The following FRMD4A variants were observed in gnomAD, a reference collection of about 807,000 sequenced individuals.
FRMD4A encodes FERM domain containing 4A.
A neutral mutation model predicts 129.1 loss-of-function variants in FRMD4A; 29 were observed. The observed-to-expected ratio is 0.22, with a 90% CI of 0.17 to 0.31. The LOEUF is 0.31. Among genes scored for constraint, FRMD4A ranks in the 10% least tolerant of loss-of-function variants. The pLI is 1.00. For synonymous variants in FRMD4A, 634 were observed against 571.6 expected, an observed-to-expected ratio of 1.11 and a Z score of -1.56; for missense variants, 1,272 against 1,375.8, an observed-to-expected ratio of 0.92 and a Z score of 1.19.
rs141065176 is a variant in FRMD4A at position 14,145,458 on chromosome 10, G to A, written c.45+184600C>T. 5.5e-3 allele frequency among the ~76,000 whole-genome samples: 834 copies of A among 152,264 alleles called. 7 individuals are homozygous for A. Among genetic ancestry groups the A allele is most frequent in the South Asian group, 0.02 (98 of 4,820 alleles). On this transcript the variant is annotated intron_variant, in intron 2 of 24. Transcript: ENST00000357447. ...GGGCTGTGGACAATGACCAGTGACC[G>A]CATATGTCCAGAAGATAGACCCAGG...
At chr10:14,255,634 T>C (rs926291686) in intron 2 of FRMD4A, among the ~76,000 whole-genome samples, 4 of 152,132 alleles carry the variant, frequency 2.6e-5, no homozygotes, top group Non-Finnish European at 5.9e-5. Flanking sequence ...GCCCTCGAAC[T>C]GCAGCTGTGA....
intron 2 of FRMD4A, among the ~76,000 whole-genome samples, chr10:14,132,749 G>A (rs1380864120): frequency 6.6e-6 from 1 of 152,230 alleles, no homozygotes; most frequent in African/African-American, 2.4e-5. Flanking sequence ...GCCACTGTGG[G>A]GCTCCCACGC....
chr10:14,034,566 G>C (rs1024429284), intron 2 of FRMD4A, among the ~76,000 whole-genome samples: 2 of 150,776 alleles, frequency 1.3e-5, no homozygotes, highest in Non-Finnish European at 3.0e-5. Flanking sequence ...ATTTTCAGGA[G>C]AAAATGAAAT....
intron 2 of FRMD4A, among the ~76,000 whole-genome samples, chr10:14,039,280 T>C (rs75427183): frequency 6.6e-6 from 1 of 152,208 alleles, no homozygotes; most frequent in African/African-American, 2.4e-5. Context: ...CCATATATAC[T>C]ATATCAAAGG....
At chr10:13,666,849 A>G (rs1159670019) in intron 17 of FRMD4A, among the ~76,000 whole-genome samples, 1 of 149,914 alleles carries the variant, frequency 6.7e-6, no homozygotes, top group Non-Finnish European at 1.5e-5. Flanking sequence ...TGACTCACAT[A>G]TCTTGTCTTT....
At chr10:14,069,346 C>G (rs1224680582) in intron 2 of FRMD4A, among the ~76,000 whole-genome samples, 1 of 152,194 alleles carries the variant, frequency 6.6e-6, no homozygotes, top group Non-Finnish European at 1.5e-5. Flanking sequence ...GGGTCCTACG[C>G]AGCATAGGTG....
intron 17 of FRMD4A, among the ~76,000 whole-genome samples, chr10:13,667,189 G>C (rs1168740748): frequency 6.6e-6 from 1 of 152,184 alleles, no homozygotes; most frequent in African/African-American, 2.4e-5. Flanking sequence ...TGGGATTACA[G>C]GTGTGAGCCA....
At chr10:14,080,838 T>C (rs764730329) in intron 2 of FRMD4A, among the ~76,000 whole-genome samples, 1 of 151,712 alleles carries the variant, frequency 6.6e-6, no homozygotes, top group African/African-American at 2.4e-5. Flanking sequence ...ATTGTCAAAA[T>C]AAGGAACTGA....
chr10:13,671,870 G>A (rs1222362717), intron 16 of FRMD4A, among the ~76,000 whole-genome samples: 1 of 152,240 alleles, frequency 6.6e-6, no homozygotes, highest in Non-Finnish European at 1.5e-5. Flanking sequence ...CCAAATCAAC[G>A]CAGATGCTGC....
chr10:13,817,461 T>G (rs555638679), intron 3 of FRMD4A, among the ~76,000 whole-genome samples: 4 of 152,330 alleles, frequency 2.6e-5, no homozygotes, highest in African/African-American at 9.6e-5. Flanking sequence ...TGTAAAGCGC[T>G]CTAGGCACAC....
chr10:14,090,247 G>A (rs1487287427), intron 2 of FRMD4A, among the ~76,000 whole-genome samples: 11 of 152,216 alleles, frequency 7.2e-5, no homozygotes, highest in Admixed American at 7.2e-4. Context: ...GAGAATATAC[G>A]TGGTATTCAC....
intron 2 of FRMD4A, among the ~76,000 whole-genome samples, chr10:14,278,898 A>G (rs1845427195): frequency 6.6e-6 from 1 of 152,182 alleles, no homozygotes; most frequent in Non-Finnish European, 1.5e-5. Flanking sequence ...GAAGAAATGT[A>G]TGGATTTCTT....
chr10:14,256,824 A>C (rs1844630613), intron 2 of FRMD4A, among the ~76,000 whole-genome samples: 2 of 152,140 alleles, frequency 1.3e-5, no homozygotes, highest in South Asian at 4.1e-4. Flanking sequence ...CTCTTCAAAA[A>C]ATTTTTTAAA....
chr10:13,912,559 C>G (rs1209922447), intron 2 of FRMD4A, among the ~76,000 whole-genome samples: 1 of 129,082 alleles, frequency 7.7e-6, no homozygotes, highest in East Asian at 2.3e-4. Flanking sequence ...GATGGAGTCT[C>G]GCTCTGTCGC....
chr10:14,275,442 G>A (rs575391976), intron 2 of FRMD4A, among the ~76,000 whole-genome samples: 2 of 152,296 alleles, frequency 1.3e-5, no homozygotes, highest in Middle Eastern at 6.8e-3. Flanking sequence ...GACACAACTT[G>A]TGTTTCCATA....
At chr10:13,668,094 T>G (rs561921289) in intron 17 of FRMD4A, 2 of 152,378 alleles carry the variant, frequency 1.3e-5, no homozygotes, top group East Asian at 3.9e-4. Context: ...TCATTGACTT[T>G]TGAGCACTTT....
At chr10:14,058,110 A>G (rs559035678) in intron 2 of FRMD4A, among the ~76,000 whole-genome samples, 7 of 152,232 alleles carry the variant, frequency 4.6e-5, no homozygotes, top group Non-Finnish European at 1.0e-4. Context: ...CAATGAGTAG[A>G]ACTGGAGAGA....
At chr10:13,985,677 G>A (rs1055808170) in intron 2 of FRMD4A, among the ~76,000 whole-genome samples, 2 of 152,216 alleles carry the variant, frequency 1.3e-5, no homozygotes, top group Non-Finnish European at 2.9e-5. Context: ...GCAGAGAACA[G>A]GTCCAGGCTG....
At chr10:14,106,146 A>T (rs570547927) in intron 2 of FRMD4A, among the ~76,000 whole-genome samples, 14 of 152,338 alleles carry the variant, frequency 9.2e-5, no homozygotes, top group South Asian at 4.1e-4. Flanking sequence ...GCCTAGCATC[A>T]TCCAAATGTG....
Sources: gnomAD v4.1 joint callset for allele counts (sites outside exome capture counted in the v4.1 genomes callset) on GRCh38, gnomAD v4.1.1 for gene constraint, MANE v1.5 for transcripts, NCBI Gene and HGNC (gene_info 2026-07-23, HGNC 2026-07-21) for gene names.